The following SCFD2 variants were observed in gnomAD, a reference collection of about 807,000 sequenced individuals.
SCFD2 encodes sec1 family domain-containing protein 2.
In SCFD2, 54 loss-of-function variants were observed where a neutral mutation model predicts 58.9. The observed-to-expected ratio is 0.92, with a 90% CI of 0.74 to 1.15. The LOEUF (loss-of-function observed/expected upper bound fraction) is 1.15. SCFD2 is among the 50% of genes most tolerant of loss of function. The pLI, the probability that SCFD2 is intolerant of heterozygous loss-of-function variation, is 0.00. For missense variants in SCFD2, 805 were observed against 836.6 expected (o/e 0.96, Z 0.47); for synonymous variants, 321 against 335.9 (o/e 0.96, Z 0.49).
intron 5 of SCFD2, among the ~76,000 whole-genome samples, chr4:53,053,674 C>T (rs1723247243): frequency 6.6e-6 from 1 of 152,138 alleles, no homozygotes; most frequent in Admixed American, 6.5e-5. Context: ...TCCGCTTTTC[C>T]TCTGCCTAGA....
intron 2 of SCFD2, among the ~76,000 whole-genome samples, chr4:53,339,915 T>C (rs962468163): frequency 3.9e-5 from 6 of 152,304 alleles, no homozygotes; most frequent in Middle Eastern, 3.4e-3. Context: ...AATAGTTGGC[T>C]GGTATCCAAA....
intron 5 of SCFD2, among the ~76,000 whole-genome samples, chr4:53,125,464 C>T (rs189051222): frequency 2.0e-5 from 3 of 152,214 alleles, no homozygotes; most frequent in South Asian, 2.1e-4. Flanking sequence ...GAAATTTTCC[C>T]GTTTATCACA....
chr4:53,138,943 G>A (rs568226114), intron 5 of SCFD2, among the ~76,000 whole-genome samples: 215 of 144,140 alleles, frequency 1.5e-3, no homozygotes, highest in African/African-American at 5.1e-3. Flanking sequence ...CTGTACTGCC[G>A]CCATCTCGGC....
chr4:53,044,314 A>G (rs1245592802), intron 5 of SCFD2, among the ~76,000 whole-genome samples: 1 of 151,914 alleles, frequency 6.6e-6, no homozygotes, highest in East Asian at 1.9e-4. Flanking sequence ...ATCACAGCCC[A>G]AGGCTTTCCC....
At chr4:53,329,184 G>A (rs1448841727) in intron 2 of SCFD2, among the ~76,000 whole-genome samples, 1 of 152,216 alleles carries the variant, frequency 6.6e-6, no homozygotes, top group Admixed American at 6.5e-5. Context: ...GCCCGCCATT[G>A]CCCAGGGCTG....
chr4:53,208,621 G>A (rs576003222), intron 4 of SCFD2, among the ~76,000 whole-genome samples: 1 of 152,274 alleles, frequency 6.6e-6, no homozygotes. Context: ...GCTGCACCAT[G>A]GCAGCAAAGG....
chr4:53,040,583 T>C (rs1383306148), intron 5 of SCFD2, among the ~76,000 whole-genome samples: 1 of 152,162 alleles, frequency 6.6e-6, no homozygotes, highest in Non-Finnish European at 1.5e-5. Flanking sequence ...GTAGATACTT[T>C]GCTTTGCTCT....
chr4:52,881,425 G>T (rs1338862199), intron 8 of SCFD2, among the ~76,000 whole-genome samples: 1 of 152,186 alleles, frequency 6.6e-6, no homozygotes, highest in African/African-American at 2.4e-5. Context: ...ATGAGGTGGT[G>T]CTTCCATGTT....
At chr4:53,173,192 GATAA>G (rs1727230495) in intron 4 of SCFD2, among the ~76,000 whole-genome samples, 1 of 152,042 alleles carries the variant, frequency 6.6e-6, no homozygotes, top group Non-Finnish European at 1.5e-5. Flanking sequence ...ATTATATCCT[GATAA>G]ATCCATCATA....
chr4:53,312,203 T>C (rs1732713502), intron 3 of SCFD2, among the ~76,000 whole-genome samples: 1 of 152,182 alleles, frequency 6.6e-6, no homozygotes. Context: ...CTAAATTGTT[T>C]TTAGTATGAC....
At chr4:53,109,816 T>A (rs2148883314) in intron 5 of SCFD2, among the ~76,000 whole-genome samples, 1 of 152,230 alleles carries the variant, frequency 6.6e-6, no homozygotes, top group East Asian at 1.9e-4. Context: ...ATAGCTTCAA[T>A]GCTATAAATC....
intron 5 of SCFD2, among the ~76,000 whole-genome samples, chr4:53,014,671 C>T (rs559396189): frequency 6.6e-6 from 1 of 152,334 alleles, no homozygotes; most frequent in African/African-American, 2.4e-5. Flanking sequence ...TGGGCTCCCC[C>T]GTGAGCTCCA....
At chr4:53,196,326 T>C (rs1728055877) in intron 4 of SCFD2, among the ~76,000 whole-genome samples, 1 of 152,126 alleles carries the variant, frequency 6.6e-6, no homozygotes, top group Non-Finnish European at 1.5e-5. Context: ...CAAACAACAG[T>C]GTATGCTGTC....
chr4:53,314,298 G>A (rs1179876091), intron 2 of SCFD2, among the ~76,000 whole-genome samples: 1 of 152,144 alleles, frequency 6.6e-6, no homozygotes, highest in African/African-American at 2.4e-5. Flanking sequence ...AAGTAGCCAT[G>A]GCCTGAAGTA....
At position 53,253,786 on chromosome 4, in the gene SCFD2, G is replaced by C. The variant is rs139450021; in HGVS notation, c.1311+20040C>G. Among the ~76,000 whole-genome samples the C allele has an allele frequency of 7.6e-3, 1,143 of 149,460 alleles. 14 individuals are homozygous for C. The highest frequency in any genetic ancestry group is 0.027 in the African/African-American group (1,076 of 40,552). On this transcript the variant is annotated intron_variant, in intron 4 of 8. Transcript: ENST00000401642. ...GATTGCATTAGGAGATATACCTAAT[G>C]CTAAATGACGAGTTAATGAGTGCAG...
At chr4:52,970,431 G>A (rs1016932254) in intron 5 of SCFD2, among the ~76,000 whole-genome samples, 12 of 152,228 alleles carry the variant, frequency 7.9e-5, no homozygotes, top group African/African-American at 2.9e-4. Flanking sequence ...TAGCACAGCA[G>A]TCTGAGATCA....
In SCFD2 at chr4:52,998,158, A is replaced by G. The variant is rs184212042; in HGVS notation, c.1562-77288T>C. On this transcript the variant is annotated intron_variant, in intron 5 of 8. Coordinates refer to ENST00000401642, the MANE Select transcript of SCFD2 (RefSeq NM_152540.4). ...GAGATGAGTGCACAAGGAAAGCTGC[A>G]GTCATTGGCAAGGCCTGGGATAATG... 1.3e-4 allele frequency among the ~76,000 whole-genome samples: 20 copies of G among 152,272 alleles called. No homozygotes were observed. The East Asian group carries it at 3.7e-3, about 28-fold the overall frequency.
At position 53,363,805 on chromosome 4, in the gene SCFD2, C is replaced by A. The variant is rs1423449563; in HGVS notation, c.838+1299G>T. On this transcript the variant is annotated intron_variant, in intron 1 of 8. Coordinates refer to ENST00000401642, the MANE Select transcript of SCFD2 (RefSeq NM_152540.4). ...TTGCGCCATTGCACTCCAGCCTGGG[C>A]GACAGAGAGAGACTCCGTCTCAAAA... Among the ~76,000 whole-genome samples, 4 of 124,996 alleles carry A rather than the reference C, an allele frequency of 3.2e-5. No homozygotes were observed. In the Admixed American group the frequency reaches 4.2e-4, roughly 13 times the overall value. 82.0% of individuals were successfully genotyped at this position (124,996 alleles called of 152,430 possible).
At chr4:52,902,063 G>T (rs888248119) in intron 7 of SCFD2, among the ~76,000 whole-genome samples, 2 of 152,240 alleles carry the variant, frequency 1.3e-5, no homozygotes, top group African/African-American at 2.4e-5. Context: ...CCTTTGCAGA[G>T]CACAGCTCTT....
Sources: gnomAD v4.1 joint callset for allele counts (sites outside exome capture counted in the v4.1 genomes callset) on GRCh38, gnomAD v4.1.1 for gene constraint, MANE v1.5 for transcripts, NCBI Gene and HGNC (gene_info 2026-07-23, HGNC 2026-07-21) for gene names.